The following NAV2 variants were observed in gnomAD, a reference collection of about 807,000 sequenced individuals.
The protein encoded by NAV2 is helicase, APC down-regulated 1.
In NAV2, 54 loss-of-function variants were observed where a neutral mutation model predicts 223.2. The observed-to-expected ratio is 0.24, with a 90% CI of 0.19 to 0.30. The LOEUF is 0.30. NAV2 is among the 10% of genes least tolerant of loss of function. The probability of loss-of-function intolerance (pLI) is 1.00; values close to 1 mark genes in which losing one functional copy is unlikely to be tolerated. For synonymous variants in NAV2, 1,279 were observed against 1,239.3 expected, an observed-to-expected ratio of 1.03 and a Z score of -0.67; for missense variants, 2,806 against 3,147.5, an observed-to-expected ratio of 0.89 and a Z score of 2.60.
intron 14 of NAV2, among the ~76,000 whole-genome samples, chr11:20,045,874 T>C (rs2057375484): frequency 6.6e-6 from 1 of 152,250 alleles, no homozygotes; most frequent in Admixed American, 6.5e-5. Context: ...GAATCAATCA[T>C]CTTAGAATCA....
At position 20,106,175 on chromosome 11, in the gene NAV2, A is replaced by ATATATATATATGTGTGTGTGTGTGTG. The variant is rs11267537; in HGVS notation, c.6841+449_6841+450insATATATATATGTGTGTGTGTGTGTGT. ...TGTGTGTATATATATATATATATAT[A>ATATATATATATGTGTGTGTGTGTGTG]TGTGTGTGTATATATATATATATAT... On this transcript the variant is annotated intron_variant, in intron 35 of 37. Transcript: ENST00000349880. Among the ~76,000 whole-genome samples, 99 of 35,812 alleles carry ATATATATATATGTGTGTGTGTGTGTG rather than the reference A, an allele frequency of 2.8e-3. 10 individuals are homozygous for ATATATATATATGTGTGTGTGTGTGTG. Among genetic ancestry groups the ATATATATATATGTGTGTGTGTGTGTG allele is most frequent in the Middle Eastern group, 0.016 (1 of 62 alleles). The allele number at this position is 35,812 out of a possible 152,430, so 23.5% of individuals were successfully genotyped here.
At chr11:19,889,161 A>C (rs919227770) in intron 5 of NAV2, among the ~76,000 whole-genome samples, 1 of 151,974 alleles carries the variant, frequency 6.6e-6, no homozygotes, top group African/African-American at 2.4e-5. Context: ...TTGTGGATGG[A>C]CTCATCATCC....
intron 1 of NAV2, among the ~76,000 whole-genome samples, chr11:19,767,515 A>G (rs1338825145): frequency 2.0e-5 from 3 of 152,206 alleles, no homozygotes. Flanking sequence ...AGTCCTTGCA[A>G]AGTTAAAAAT....
intron 1 of NAV2, among the ~76,000 whole-genome samples, chr11:19,450,554 A>C (rs1461395040): frequency 2.0e-5 from 3 of 152,228 alleles, no homozygotes; most frequent in Non-Finnish European, 4.4e-5. Flanking sequence ...AACAGCACAT[A>C]ATTCAGAACC....
chr11:19,784,474 T>G (rs1251156606), intron 1 of NAV2, among the ~76,000 whole-genome samples: 1 of 132,974 alleles, frequency 7.5e-6, no homozygotes, highest in East Asian at 1.9e-4. Context: ...GTAATTATTA[T>G]TATTATTATT....
chr11:19,903,043 C>G (rs185759665), intron 6 of NAV2, among the ~76,000 whole-genome samples: 1 of 152,076 alleles, frequency 6.6e-6, no homozygotes, highest in African/African-American at 2.4e-5. Flanking sequence ...CTCTCTGGGC[C>G]GAGGACATGA....
At chr11:19,930,019 G>A (rs1291623738) in intron 6 of NAV2, among the ~76,000 whole-genome samples, 1 of 152,126 alleles carries the variant, frequency 6.6e-6, no homozygotes, top group Non-Finnish European at 1.5e-5. Flanking sequence ...CTGTTTTCAT[G>A]GTTTGTTTTG....
At chr11:19,764,979 A>C (rs2055084049) in intron 1 of NAV2, among the ~76,000 whole-genome samples, 1 of 151,654 alleles carries the variant, frequency 6.6e-6, no homozygotes, top group Non-Finnish European at 1.5e-5. Context: ...TCTTCACCAC[A>C]CTCACTGCTA....
Position 19,977,662 on chromosome 11 carries a change from GT to G in NAV2, c.2646-6462del, listed in dbSNP as rs561831759. The stretch of plus-strand genomic sequence containing the variant: ...AATTTTAAGTATTCACTAAATTTTA[GT>G]GCTGCAGTTTTATAATTCGCACTGA... On this transcript the variant is annotated intron_variant, in intron 10 of 37. Transcript: ENST00000349880. Among the ~76,000 whole-genome samples the G allele has an allele frequency of 3.3e-4, 50 of 152,200 alleles. No homozygotes were observed. The South Asian group carries it at 7.3e-3, about 22-fold the overall frequency.
intron 1 of NAV2, among the ~76,000 whole-genome samples, chr11:19,635,863 A>G (rs1439579755): frequency 6.6e-6 from 1 of 152,234 alleles, no homozygotes; most frequent in African/African-American, 2.4e-5. Flanking sequence ...CATCCAAACC[A>G]TAGCACAGGC....
Position 19,832,571 on chromosome 11 carries a change from G to A in NAV2, c.355G>A (p.Val119Ile), listed in dbSNP as rs768557188. 10 of 1,614,044 alleles carry A rather than the reference G, an allele frequency of 6.2e-6. No homozygotes were observed. The highest frequency in any genetic ancestry group is 1.3e-5 in the African/African-American group (1 of 74,914). The change falls in exon 2 of 38, where the codon GTC (valine) becomes ATC (isoleucine). Residue 119 changes from valine (V) to isoleucine (I), a missense_variant. Physicochemically the swap from Val to Ile is conservative, Grantham distance 29. Transcript: ENST00000349880. ...TCTCCAGCAAGATGTGACAGATGGC[G>A]TCCTCCTGGCCCAGATTATCCAGGT... ...RDLQQDVTDGVLLAQIIQVVA... is the reference protein window; with the variant it reads ...RDLQQDVTDGILLAQIIQVVA...
rs1361571001 is a variant in NAV2, at chr11:19,860,786, C to T, written c.439-8139C>T. Among the ~76,000 whole-genome samples the T allele has an allele frequency of 5.3e-5, 8 of 152,166 alleles. No individual in the cohort carries two copies. The East Asian group carries it at 1.4e-3, about 26-fold the overall frequency. ...GACTCCGTCTGCAATCCCGGCACCT[C>T]GGGAGGCCGAGGCTGGCGGATCACT... is the stretch of plus-strand genomic sequence containing the variant. On this transcript the variant is annotated intron_variant, in intron 3 of 37. Transcript: ENST00000349880.
chr11:20,113,633 G>A (rs2062814958), intron 36 of NAV2, among the ~76,000 whole-genome samples: 2 of 152,182 alleles, frequency 1.3e-5, no homozygotes, highest in Admixed American at 6.5e-5. Flanking sequence ...ACCTCTGTTA[G>A]CAATTTGCTG....
chr11:19,652,068 C>T (rs1027917834), intron 1 of NAV2, among the ~76,000 whole-genome samples: 1 of 152,150 alleles, frequency 6.6e-6, no homozygotes, highest in Non-Finnish European at 1.5e-5. Flanking sequence ...AAGGAGTGAC[C>T]TTATTTCATA....
At chr11:19,553,184 C>T (rs2044744781) in intron 1 of NAV2, among the ~76,000 whole-genome samples, 1 of 152,166 alleles carries the variant, frequency 6.6e-6, no homozygotes, top group Non-Finnish European at 1.5e-5. Context: ...TGCATAGCCC[C>T]ATCTCCAGCC....
At chr11:19,940,160 C>T (rs540584800) in intron 8 of NAV2, among the ~76,000 whole-genome samples, 3 of 152,030 alleles carry the variant, frequency 2.0e-5, no homozygotes, top group East Asian at 3.9e-4. Flanking sequence ...TAGTGGATTT[C>T]GTTCCTGTAT....
chr11:19,688,690 A>G (rs2049088102), intron 1 of NAV2, among the ~76,000 whole-genome samples: 1 of 152,118 alleles, frequency 6.6e-6, no homozygotes, highest in Non-Finnish European at 1.5e-5. Flanking sequence ...CTCTCCTACT[A>G]AGAGAGCTTT....
intron 10 of NAV2, among the ~76,000 whole-genome samples, chr11:19,969,943 C>G (rs1288373790): frequency 6.8e-6 from 1 of 146,396 alleles, no homozygotes; most frequent in Non-Finnish European, 1.5e-5. Context: ...AAGACTCTGT[C>G]TCAAAAAAAA....
At chr11:19,793,222 AAAAAAAAG>A (rs1226990308) in intron 1 of NAV2, among the ~76,000 whole-genome samples, 11 of 148,098 alleles carry the variant, frequency 7.4e-5, no homozygotes, top group Admixed American at 2.0e-4. Flanking sequence ...AAAAAAAAAA[AAAAAAAAG>A]AAAGAAAGAA....
Sources: gnomAD v4.1 joint callset for allele counts (sites outside exome capture counted in the v4.1 genomes callset) on GRCh38, gnomAD v4.1.1 for gene constraint, MANE v1.5 for transcripts, NCBI Gene and HGNC (gene_info 2026-07-23, HGNC 2026-07-21) for gene names.